The following ZC3H12B variants were observed in gnomAD, a reference collection of about 807,000 sequenced individuals.
ZC3H12B encodes probable ribonuclease ZC3H12B.
Under a neutral mutation model 43.9 loss-of-function variants are expected in ZC3H12B, and 7 were observed. The observed-to-expected ratio is 0.16, with a 90% CI of 0.09 to 0.30. The LOEUF is 0.30. Ranked by LOEUF, ZC3H12B falls within the 10% of genes least tolerant of loss-of-function variation. The probability of loss-of-function intolerance (pLI) is 1.00; values close to 1 mark genes in which losing one functional copy is unlikely to be tolerated. For missense variants in ZC3H12B, 475 were observed against 670.2 expected (o/e 0.71, Z 3.22); for synonymous variants, 222 against 241.7 (o/e 0.92, Z 0.76).
intron 1 of ZC3H12B, among the ~76,000 whole-genome samples, chrX:65,367,426 T>A (rs1382339439): frequency 8.9e-6 from 1 of 111,744 alleles, no homozygotes; most frequent in Non-Finnish European, 1.9e-5. Flanking sequence ...CTCTTGAACA[T>A]GTCGCACATC....
At chrX:65,070,148 G>T in the ZC3H12B span, among the ~76,000 whole-genome samples, 2 of 108,896 alleles carry the variant, frequency 1.8e-5, no homozygotes, top group African/African-American at 6.7e-5. Context: ...GAGATTCAAT[G>T]TCTTTTTTAT....
At chrX:65,127,974 A>C in the ZC3H12B span, among the ~76,000 whole-genome samples, 1 of 111,918 alleles carries the variant, frequency 8.9e-6, no homozygotes, top group Non-Finnish European at 1.9e-5. Context: ...AAAAGCAAGC[A>C]GACTCACAGT....
chrX:65,502,736 A>G (rs753080155), exon 5 of ZC3H12B: 9 of 1,209,329 alleles, frequency 7.4e-6, no homozygotes, highest in South Asian at 1.8e-5. Flanking sequence ...AGACTACCCC[A>G]TGCCTCCCAA....
At chrX:65,286,571 A>G in the ZC3H12B span, among the ~76,000 whole-genome samples, 8 of 111,125 alleles carry the variant, frequency 7.2e-5, no homozygotes, top group Non-Finnish European at 1.5e-4. Flanking sequence ...AAAGTTGAGA[A>G]AAAAATATAG....
the ZC3H12B span, among the ~76,000 whole-genome samples, chrX:65,229,973 G>C: frequency 8.9e-6 from 1 of 111,898 alleles, no homozygotes; most frequent in African/African-American, 3.2e-5. Flanking sequence ...GGAAGTCAGT[G>C]TGGTGATTCC....
chrX:65,503,614 C>G (rs2068396779), exon 5 of ZC3H12B: 1 of 108,018 alleles, frequency 9.3e-6, no homozygotes, highest in Admixed American at 9.5e-5. Flanking sequence ...TTCTTTCTTT[C>G]TTTCTTTATT....
At chrX:65,039,523 TCA>T in the ZC3H12B span, among the ~76,000 whole-genome samples, 1 of 111,791 alleles carries the variant, frequency 8.9e-6, no homozygotes, top group Non-Finnish European at 1.9e-5. Context: ...CTCATTATGC[TCA>T]CTTTCTGTAC....
chrX:65,198,481 T>G, the ZC3H12B span, among the ~76,000 whole-genome samples: 1 of 112,098 alleles, frequency 8.9e-6, no homozygotes, highest in African/African-American at 3.2e-5. Context: ...CCATTTCTTC[T>G]TCTTGTTTGA....
intron 3 of ZC3H12B, among the ~76,000 whole-genome samples, chrX:65,403,789 A>T (rs2066791141): frequency 8.9e-6 from 1 of 111,969 alleles, no homozygotes; most frequent in South Asian, 3.7e-4. Context: ...GAGGGATTTC[A>T]TTCATAAGAG....
At chrX:65,280,034 AT>A in the ZC3H12B span, among the ~76,000 whole-genome samples, 1 of 112,352 alleles carries the variant, frequency 8.9e-6, no homozygotes, top group Non-Finnish European at 1.9e-5. Flanking sequence ...GCAGAGAGAA[AT>A]CTTTTTAACT....
chrX:65,159,864 G>A, the ZC3H12B span, among the ~76,000 whole-genome samples: 3 of 111,736 alleles, frequency 2.7e-5, no homozygotes, highest in Non-Finnish European at 5.6e-5. Flanking sequence ...AATGCTTCCA[G>A]TTTTTGCCCA....
the ZC3H12B span, among the ~76,000 whole-genome samples, chrX:65,150,697 A>G: frequency 8.9e-6 from 1 of 111,958 alleles, no homozygotes; most frequent in Non-Finnish European, 1.9e-5. Context: ...CATAGTCTGA[A>G]TATTTTAGTT....
chrX:65,101,143 C>G, the ZC3H12B span, among the ~76,000 whole-genome samples: 1 of 112,015 alleles, frequency 8.9e-6, no homozygotes, highest in African/African-American at 3.2e-5. Context: ...TTCTGAATGA[C>G]TACTGGGCAC....
At chrX:65,139,192 A>G in the ZC3H12B span, among the ~76,000 whole-genome samples, 1 of 112,111 alleles carries the variant, frequency 8.9e-6, no homozygotes, top group Non-Finnish European at 1.9e-5. Flanking sequence ...CTAGTCTTCT[A>G]TGTTATCTTC....
the ZC3H12B span, among the ~76,000 whole-genome samples, chrX:65,355,516 A>G: frequency 6.3e-5 from 7 of 111,307 alleles, no homozygotes; most frequent in African/African-American, 2.3e-4. Context: ...TTTTTTCATC[A>G]GGAATTCTGG....
chrX:65,214,446 A>G, the ZC3H12B span, among the ~76,000 whole-genome samples: 2 of 111,600 alleles, frequency 1.8e-5, no homozygotes, highest in South Asian at 3.7e-4. Context: ...TGTCATTTCC[A>G]CAATGTTCAC....
At chrX:65,256,830 A>C in the ZC3H12B span, among the ~76,000 whole-genome samples, 1 of 112,431 alleles carries the variant, frequency 8.9e-6, no homozygotes, top group Admixed American at 9.4e-5. Flanking sequence ...ACATTTATGC[A>C]GCCAACAGAC....
At chrX:65,213,878 G>T in the ZC3H12B span, among the ~76,000 whole-genome samples, 2 of 101,745 alleles carry the variant, frequency 2.0e-5, no homozygotes, top group Non-Finnish European at 3.9e-5. Flanking sequence ...TGAAGGCAAC[G>T]TAAAAAAAAA....
chrX:65,381,301 AC>A (rs772033249), intron 2 of ZC3H12B, among the ~76,000 whole-genome samples: 5 of 111,719 alleles, frequency 4.5e-5, no homozygotes, highest in Non-Finnish European at 7.5e-5. Flanking sequence ...TAAGAAACTC[AC>A]TCAAAACCGC....
Sources: gnomAD v4.1 joint callset for allele counts (sites outside exome capture counted in the v4.1 genomes callset) on GRCh38, gnomAD v4.1.1 for gene constraint, MANE v1.5 for transcripts, NCBI Gene and HGNC (gene_info 2026-07-23, HGNC 2026-07-21) for gene names.